Variants in WWOX observed in about 807,000 individuals in gnomAD.
WWOX encodes the protein WW domain-containing oxidoreductase.
In WWOX, 69 loss-of-function variants were observed where a neutral mutation model predicts 46.2. The ratio of observed to expected loss-of-function variants is 1.49; its 90% CI spans 1.23 to 1.82. The LOEUF (loss-of-function observed/expected upper bound fraction) is 1.82. WWOX is among the 40% of genes most tolerant of loss of function. WWOX has a pLI of 0.00. For missense variants in WWOX, 919 were observed against 542.6 expected, an observed-to-expected ratio of 1.69 and a Z score of -6.89; for synonymous variants, 359 against 202.6, an observed-to-expected ratio of 1.77 and a Z score of -6.56.
chr16:79,096,191 C>T (rs961350221), intron 8 of WWOX, among the ~76,000 whole-genome samples: 1 of 151,930 alleles, frequency 6.6e-6, no homozygotes, highest in African/African-American at 2.4e-5. Flanking sequence ...TTAAGGGCCT[C>T]CTGGCACCCA....
intron 5 of WWOX, among the ~76,000 whole-genome samples, chr16:78,179,059 G>C (rs71396158): frequency 0.051 from 7,813 of 152,204 alleles, 239 homozygotes; most frequent in Non-Finnish European, 0.077. Context: ...GCTGGGTGGA[G>C]TCACCATTTG....
At chr16:79,045,494 T>C (rs1306212319) in intron 8 of WWOX, among the ~76,000 whole-genome samples, 1 of 152,164 alleles carries the variant, frequency 6.6e-6, no homozygotes, top group Non-Finnish European at 1.5e-5. Flanking sequence ...AGAGAGACTA[T>C]GTTGTTAGTT....
intron 8 of WWOX, among the ~76,000 whole-genome samples, chr16:78,599,166 G>A (rs1449314534): frequency 6.6e-6 from 1 of 152,186 alleles, no homozygotes; most frequent in Admixed American, 6.5e-5. Context: ...CCCTCCTCCA[G>A]TCCCGGGATC....
intron 8 of WWOX, among the ~76,000 whole-genome samples, chr16:79,020,238 G>A (rs1445477202): frequency 1.3e-5 from 2 of 152,218 alleles, no homozygotes; most frequent in Admixed American, 6.5e-5. Context: ...TAAGGATGCT[G>A]CAAGGCGCAG....
At position 78,338,196 on chromosome 16, in the gene WWOX, T is replaced by G. The variant is rs894957488; in HGVS notation, c.517-48664T>G. On this transcript the variant is annotated intron_variant, in intron 5 of 8. Coordinates refer to ENST00000566780, the MANE Select transcript of WWOX (RefSeq NM_016373.4). ...CAAACTTTTAAAAAAATTAATTTTG[T>G]GAATTAAATAAAGCAGCATGCAAAT... Among the ~76,000 whole-genome samples the G allele has an allele frequency of 3.3e-5, 4 of 120,818 alleles. 1 individual carries two copies. Among genetic ancestry groups the G allele is most frequent in the African/African-American group, 1.1e-4 (4 of 35,572 alleles). 79.3% of individuals were successfully genotyped at this position (120,818 alleles called of 152,430 possible).
At chr16:78,489,770 C>G (rs868677807) in intron 8 of WWOX, among the ~76,000 whole-genome samples, 4 of 152,048 alleles carry the variant, frequency 2.6e-5, no homozygotes, top group Admixed American at 6.6e-5. Flanking sequence ...TGGAAACCCT[C>G]CTAACATGTC....
At chr16:78,117,143 C>A (rs528947297) in intron 4 of WWOX, among the ~76,000 whole-genome samples, 23 of 152,334 alleles carry the variant, frequency 1.5e-4, no homozygotes, top group African/African-American at 5.3e-4. Flanking sequence ...CTTTGTGCCT[C>A]TTCACAGCTC....
At chr16:79,150,222 T>G (rs1019953264) in intron 8 of WWOX, among the ~76,000 whole-genome samples, 19 of 152,148 alleles carry the variant, frequency 1.2e-4, no homozygotes, top group Non-Finnish European at 4.4e-5. Flanking sequence ...AACCATAGAT[T>G]CATGGAACTG....
At chr16:78,814,870 G>T (rs547627956) in intron 8 of WWOX, among the ~76,000 whole-genome samples, 41 of 152,212 alleles carry the variant, frequency 2.7e-4, no homozygotes, top group Non-Finnish European at 5.6e-4. Flanking sequence ...CTCGCGTGCG[G>T]TCTGTGCACC....
chr16:78,328,968 T>C (rs2080697345), intron 5 of WWOX, among the ~76,000 whole-genome samples: 1 of 152,044 alleles, frequency 6.6e-6, no homozygotes. Flanking sequence ...TTGAAGCGAT[T>C]CTCCTGCCTC....
chr16:78,940,928 G>C (rs1050251881), intron 8 of WWOX, among the ~76,000 whole-genome samples: 8 of 151,718 alleles, frequency 5.3e-5, no homozygotes, highest in Non-Finnish European at 1.2e-4. Context: ...TGGATCCCAA[G>C]GAATTTTCTT....
In WWOX at chr16:78,601,039, C is replaced by T. The variant is rs369353183; in HGVS notation, c.1056+168287C>T. Among the ~76,000 whole-genome samples, 133 of 152,260 alleles carry T rather than the reference C, an allele frequency of 8.7e-4. No individual in the cohort carries two copies. In the South Asian group the frequency reaches 0.012, roughly 14 times the overall value. The stretch of plus-strand genomic sequence containing the variant: ...TGCACCCTCAACCTCGTTCAGTTTC[C>T]ACATAATACCTGGGGCAGGGATGTA... On this transcript the variant is annotated intron_variant, in intron 8 of 8. Coordinates refer to ENST00000566780, the MANE Select transcript of WWOX (RefSeq NM_016373.4).
chr16:79,058,529 C>A (rs2048306327), intron 8 of WWOX, among the ~76,000 whole-genome samples: 1 of 151,894 alleles, frequency 6.6e-6, no homozygotes, highest in Non-Finnish European at 1.5e-5. Flanking sequence ...AGGGAGGAGG[C>A]AAGTATATTA....
chr16:78,126,472 C>T (rs990268886), intron 4 of WWOX, among the ~76,000 whole-genome samples: 5 of 152,052 alleles, frequency 3.3e-5, no homozygotes, highest in South Asian at 2.1e-4. Context: ...TTATGTCGGG[C>T]CATTTGTTTT....
chr16:78,887,849 G>C (rs554360970), intron 8 of WWOX, among the ~76,000 whole-genome samples: 1 of 152,170 alleles, frequency 6.6e-6, no homozygotes, highest in South Asian at 2.1e-4. Flanking sequence ...GTGTTTAACA[G>C]TAATTGGTTC....
chr16:78,215,069 G>A (rs191660582), intron 5 of WWOX, among the ~76,000 whole-genome samples: 60 of 152,296 alleles, frequency 3.9e-4, no homozygotes, highest in African/African-American at 1.3e-3. Flanking sequence ...AGTAGATGTA[G>A]GATATTGCTG....
chr16:78,412,068 G>A (rs943343293), intron 6 of WWOX, among the ~76,000 whole-genome samples: 1 of 152,192 alleles, frequency 6.6e-6, no homozygotes, highest in African/African-American at 2.4e-5. Context: ...CAGTTATCTG[G>A]AGGAGTTCAT....
chr16:78,863,862 C>G (rs924410036), intron 8 of WWOX, among the ~76,000 whole-genome samples: 1 of 152,198 alleles, frequency 6.6e-6, no homozygotes, highest in Non-Finnish European at 1.5e-5. Flanking sequence ...AATATATGGT[C>G]TTTTGTGATT....
rs542147695 is a variant in WWOX at position 78,584,664 on chromosome 16, G to A, written c.1056+151912G>A. On this transcript the variant is annotated intron_variant, in intron 8 of 8. Coordinates refer to ENST00000566780, the MANE Select transcript of WWOX (RefSeq NM_016373.4). ...GTTCTATGATACCACTTGTGTAAAC[G>A]TGAAAAGCAGGCAGGAATTTTCCAT... 4.6e-5 allele frequency among the ~76,000 whole-genome samples: 7 copies of A among 152,302 alleles called. No individual in the cohort carries two copies. The East Asian group carries it at 9.6e-4, about 21-fold the overall frequency.
Sources: allele counts gnomAD v4.1 joint callset (sites outside exome capture counted in the v4.1 genomes callset), GRCh38; gene constraint gnomAD v4.1.1; transcripts MANE v1.5; gene names NCBI Gene and HGNC (gene_info 2026-07-23, HGNC 2026-07-21).